Variants in MLLT10 observed in about 807,000 individuals in gnomAD.
The protein encoded by MLLT10 is MLLT10 histone lysine methyltransferase DOT1L cofactor.
MLLT10 carries 30 observed loss-of-function variants against 129.1 expected under a neutral mutation model. The ratio of observed to expected loss-of-function variants is 0.23; its 90% CI spans 0.17 to 0.32. The LOEUF is 0.32. MLLT10 is among the 10% of genes least tolerant of loss of function. The pLI is 1.00. For synonymous variants in MLLT10, 490 were observed against 446.4 expected, an observed-to-expected ratio of 1.10 and a Z score of -1.23; for missense variants, 1,119 against 1,268.3, an observed-to-expected ratio of 0.88 and a Z score of 1.79.
intron 13 of MLLT10, among the ~76,000 whole-genome samples, chr10:21,712,817 C>T (rs952743090): frequency 6.6e-6 from 1 of 152,226 alleles, no homozygotes; most frequent in Non-Finnish European, 1.5e-5. Context: ...GGCAAAATCA[C>T]CCCTGGTTGA....
chr10:21,590,583 C>T (rs1410264388), intron 4 of MLLT10, among the ~76,000 whole-genome samples: 2 of 152,164 alleles, frequency 1.3e-5, no homozygotes, highest in Non-Finnish European at 2.9e-5. Flanking sequence ...AGGTGATCCA[C>T]CCGCCTTGGC....
intron 3 of MLLT10, among the ~76,000 whole-genome samples, chr10:21,544,134 A>G (rs976295735): frequency 1.3e-5 from 2 of 152,174 alleles, no homozygotes; most frequent in Non-Finnish European, 1.5e-5. Context: ...TAAGGATACT[A>G]TAGTTTTAAG....
At chr10:21,573,999 C>A (rs1467388817) in intron 3 of MLLT10, among the ~76,000 whole-genome samples, 1 of 152,086 alleles carries the variant, frequency 6.6e-6, no homozygotes, top group Non-Finnish European at 1.5e-5. Flanking sequence ...TGGTATTCTT[C>A]ATGCTAAACT....
chr10:21,611,216 C>T (rs1311641310), intron 5 of MLLT10, among the ~76,000 whole-genome samples: 2 of 148,648 alleles, frequency 1.3e-5, no homozygotes, highest in Non-Finnish European at 3.0e-5. Flanking sequence ...ACCATGTTGG[C>T]CAGGCTGGTC....
At chr10:21,606,784 G>T (rs1310135252) in intron 5 of MLLT10, among the ~76,000 whole-genome samples, 1 of 152,204 alleles carries the variant, frequency 6.6e-6, no homozygotes, top group Non-Finnish European at 1.5e-5. Flanking sequence ...TGTAAACATT[G>T]TTGAAATGAC....
chr10:21,685,124 T>G (rs2053171879), intron 13 of MLLT10, among the ~76,000 whole-genome samples: 1 of 152,148 alleles, frequency 6.6e-6, no homozygotes, highest in Non-Finnish European at 1.5e-5. Flanking sequence ...TTTGTTTTTG[T>G]GAAATATATC....
chr10:21,664,445 C>T (rs2050539582), intron 9 of MLLT10, among the ~76,000 whole-genome samples: 1 of 151,774 alleles, frequency 6.6e-6, no homozygotes, highest in South Asian at 2.1e-4. Context: ...TCCCAAGTAG[C>T]TGGGACTTAC....
intron 13 of MLLT10, among the ~76,000 whole-genome samples, chr10:21,699,208 T>C (rs1446650534): frequency 1.3e-5 from 2 of 151,380 alleles, no homozygotes; most frequent in Admixed American, 6.6e-5. Flanking sequence ...TATCTATTCA[T>C]GTCCTTTGCC....
chr10:21,688,640 C>T, intron 13 of MLLT10: 1 of 924,948 alleles, frequency 1.1e-6, no homozygotes. Flanking sequence ...GCAGTATGTA[C>T]TCATAAAAAA....
chr10:21,558,139 T>A (rs917909107), intron 3 of MLLT10, among the ~76,000 whole-genome samples: 1 of 151,720 alleles, frequency 6.6e-6, no homozygotes, highest in Non-Finnish European at 1.5e-5. Context: ...TTAGTAGAGA[T>A]GGGGTTTTGC....
chr10:21,645,678 G>A (rs1331493016), intron 8 of MLLT10, among the ~76,000 whole-genome samples: 1 of 152,166 alleles, frequency 6.6e-6, no homozygotes, highest in Non-Finnish European at 1.5e-5. Context: ...TTCAAGCTCA[G>A]TATTGCATTC....
At chr10:21,643,237 T>G (rs1273298311) in intron 8 of MLLT10, among the ~76,000 whole-genome samples, 1 of 152,186 alleles carries the variant, frequency 6.6e-6, no homozygotes, top group Non-Finnish European at 1.5e-5. Flanking sequence ...TTTACCATGT[T>G]GGCCAGGCTG....
chr10:21,559,105 A>G (rs2038456032), intron 3 of MLLT10, among the ~76,000 whole-genome samples: 1 of 152,036 alleles, frequency 6.6e-6, no homozygotes, highest in Non-Finnish European at 1.5e-5. Flanking sequence ...TCTTTTTGAG[A>G]CAGAATCTTG....
chr10:21,636,213 T>C (rs2047447050), intron 8 of MLLT10, among the ~76,000 whole-genome samples: 1 of 152,060 alleles, frequency 6.6e-6, no homozygotes, highest in African/African-American at 2.4e-5. Context: ...CTCAACCTCC[T>C]GCATTCAAGC....
At chr10:21,693,530 C>G (rs72802918) in intron 13 of MLLT10, among the ~76,000 whole-genome samples, 8,901 of 151,890 alleles carry the variant, frequency 0.059, 360 homozygotes, top group Admixed American at 0.085. Context: ...GTGCGCCTAC[C>G]CCTGAAACTG....
chr10:21,573,652 C>T (rs2040442257), intron 3 of MLLT10, among the ~76,000 whole-genome samples: 1 of 151,494 alleles, frequency 6.6e-6, no homozygotes, highest in African/African-American at 2.4e-5. Context: ...GTGTAACCTC[C>T]ACCTCCTGGG....
intron 3 of MLLT10, among the ~76,000 whole-genome samples, chr10:21,549,484 G>T (rs2036624107): frequency 6.6e-6 from 1 of 152,078 alleles, no homozygotes; most frequent in Non-Finnish European, 1.5e-5. Flanking sequence ...TAGGGAGTAT[G>T]CTTTTTCTAT....
At chr10:21,672,467 G>A (rs899044871) in intron 10 of MLLT10, among the ~76,000 whole-genome samples, 1 of 151,920 alleles carries the variant, frequency 6.6e-6, no homozygotes, top group South Asian at 2.1e-4. Flanking sequence ...CACCACCCCC[G>A]GCTAATTTTT....
chr10:21,617,286 A>C (rs2045361330), intron 8 of MLLT10, 79 bp downstream of exon 8: 1 of 604,156 alleles, frequency 1.7e-6, no homozygotes, highest in Admixed American at 3.3e-5. Flanking sequence ...ATAAAATTAC[A>C]TTCTTGATAG....
Sources: allele counts gnomAD v4.1 joint callset (sites outside exome capture counted in the v4.1 genomes callset), GRCh38; gene constraint gnomAD v4.1.1; transcripts MANE v1.5; gene names NCBI Gene and HGNC (gene_info 2026-07-23, HGNC 2026-07-21).